TMEM156: variants seen among roughly 807,000 people sequenced by gnomAD.
TMEM156 encodes the protein transmembrane protein 156.
TMEM156 carries 28 observed loss-of-function variants against 30.5 expected under a neutral mutation model. The observed-to-expected ratio is 0.92, with a 90% CI of 0.68 to 1.26. TMEM156 has a LOEUF of 1.26. Among genes scored for constraint, TMEM156 ranks in the 50% most tolerant of loss-of-function variants. The pLI, the probability that TMEM156 is intolerant of heterozygous loss-of-function variation, is 0.00. For missense variants in TMEM156, 351 were observed against 340.6 expected (o/e 1.03, Z -0.24); for synonymous variants, 137 against 119.9 (o/e 1.14, Z -0.93).
At chr4:39,025,050 CTTT>C in intron 1 of TMEM156, among the ~76,000 whole-genome samples, 2 of 152,024 alleles carry the variant, frequency 1.3e-5, no homozygotes, top group African/African-American at 2.4e-5. Context: ...GGTCTGCCTT[CTTT>C]AACAGTTGGA....
At chr4:39,008,696 C>A (rs1037314172) in intron 1 of TMEM156, among the ~76,000 whole-genome samples, 6 of 151,984 alleles carry the variant, frequency 3.9e-5, no homozygotes, top group Admixed American at 2.0e-4. Flanking sequence ...TGAATGAAAT[C>A]AAAAAATTCT....
chr4:38,985,292 G>T (rs919991655), intron 5 of TMEM156, among the ~76,000 whole-genome samples: 56 of 152,110 alleles, frequency 3.7e-4, no homozygotes, highest in African/African-American at 1.3e-3. Context: ...ACATTTAACT[G>T]GTGTCAAATG....
chr4:38,989,584 C>T (rs2109933536), intron 3 of TMEM156, among the ~76,000 whole-genome samples: 1 of 152,222 alleles, frequency 6.6e-6, no homozygotes, highest in African/African-American at 2.4e-5. Context: ...AATAAGGATA[C>T]AGGTATAAAC....
intron 1 of TMEM156, among the ~76,000 whole-genome samples, chr4:39,021,937 T>C (rs191676585): frequency 3.3e-5 from 5 of 152,360 alleles, no homozygotes; most frequent in Admixed American, 3.3e-4. Flanking sequence ...TCGGAATTCT[T>C]TGAAGATCCG....
At chr4:38,979,934 C>T (rs554416240) in intron 5 of TMEM156, among the ~76,000 whole-genome samples, 2 of 152,114 alleles carry the variant, frequency 1.3e-5, no homozygotes, top group Non-Finnish European at 1.5e-5. Flanking sequence ...TCATTCTGAC[C>T]TTTTCATCAC....
intron 5 of TMEM156, among the ~76,000 whole-genome samples, chr4:38,982,482 C>T (rs1711653716): frequency 6.6e-6 from 1 of 152,120 alleles, no homozygotes. Flanking sequence ...AATTCTATGC[C>T]CTGTAATTAC....
chr4:38,988,200 G>A (rs1340787880), intron 4 of TMEM156, among the ~76,000 whole-genome samples: 2 of 152,136 alleles, frequency 1.3e-5, no homozygotes, highest in Non-Finnish European at 2.9e-5. Context: ...GTCACCTACA[G>A]CCACTCTGCT....
At chr4:38,978,002 A>G (rs1722959981) in intron 5 of TMEM156, among the ~76,000 whole-genome samples, 1 of 152,116 alleles carries the variant, frequency 6.6e-6, no homozygotes, top group South Asian at 2.1e-4. Context: ...ACCTCAACTC[A>G]TCTTTCCCAA....
intron 6 of TMEM156, among the ~76,000 whole-genome samples, chr4:38,969,670 G>A (rs111326418): frequency 0.016 from 2,506 of 152,272 alleles, 28 homozygotes; most frequent in East Asian, 0.062. Context: ...ACAGCTCACT[G>A]CAGCCTCAAC....
In TMEM156 at chr4:38,998,648, G is replaced by A. The variant is rs1028708434; in HGVS notation, c.350C>T (p.Thr117Ile). ...CTTCACTTTGTGTTTACCTTTTGAT[G>A]TTTGTTCCTGAGAAATAAAATCCAT... ...GNMDFISQEQ[T>I]SKVLIRRGSM... Residue 117 changes from threonine to isoleucine, a missense_variant, in exon 2 of 7, where the codon ACA becomes ATA. Transcript: ENST00000381938. 4.4e-6 allele frequency: 7 copies of A among 1,608,606 alleles called. No homozygotes were observed. Among genetic ancestry groups the A allele is most frequent in the African/African-American group, 1.3e-5 (1 of 74,636 alleles).
At chr4:38,980,185 T>TA (rs780451036) in intron 5 of TMEM156, among the ~76,000 whole-genome samples, 6,958 of 112,384 alleles carry the variant, frequency 0.062, 179 homozygotes, top group African/African-American at 0.08. Context: ...CCAGATTAAC[T>TA]AAAAAAAAAA....
chr4:38,999,116 T>TA (rs760049654), intron 1 of TMEM156, among the ~76,000 whole-genome samples: 29,190 of 104,916 alleles, frequency 0.28, 3,081 homozygotes, highest in East Asian at 0.34. Context: ...ATTTATTTTT[T>TA]TTTTTTTTTT....
At chr4:38,970,380 C>A (rs982802848) in intron 6 of TMEM156, among the ~76,000 whole-genome samples, 3 of 152,054 alleles carry the variant, frequency 2.0e-5, no homozygotes, top group African/African-American at 7.2e-5. Context: ...AGGACCTTGA[C>A]TGAAAAACCA....
At chr4:38,996,786 C>T (rs1208120671) in intron 2 of TMEM156, among the ~76,000 whole-genome samples, 1 of 152,156 alleles carries the variant, frequency 6.6e-6, no homozygotes, top group Non-Finnish European at 1.5e-5. Context: ...ATCCCGAAGA[C>T]ACAATCTGCA....
At chr4:38,980,970 A>G (rs1448758006) in intron 5 of TMEM156, 2 of 984,946 alleles carry the variant, frequency 2.0e-6, no homozygotes, top group Non-Finnish European at 1.2e-6. Flanking sequence ...CCGCCTATAG[A>G]TTCTTCACAT....
In TMEM156 at chr4:39,032,302, T is replaced by C; in HGVS notation, c.12A>G (p.Thr4=). The change falls in exon 1 of 7, where the codon ACA becomes ACG. Residue 4 remains threonine, a synonymous_variant. Coordinates refer to ENST00000381938, the MANE Select transcript of TMEM156 (RefSeq NM_024943.3). The stretch of plus-strand genomic sequence containing the variant: ...TTGCCACAAATAATTTAAGGAGGGC[T>C]GTTTTTGTCATGTCTCTTCACATGA... MTK[T]ALLKLFVAIV... 1.2e-6 allele frequency: 2 copies of C among 1,607,058 alleles called. No individual in the cohort carries two copies. Among genetic ancestry groups the C allele is most frequent in the South Asian group, 1.1e-5 (1 of 90,232 alleles).
chr4:38,967,757 A>G (rs2109845831), intron 6 of TMEM156, 116 bp from the exon 7 acceptor site: 1 of 152,396 alleles, frequency 6.6e-6, no homozygotes, highest in African/African-American at 2.4e-5. Context: ...ACTATGGCTT[A>G]TAAGACCACC....
intron 5 of TMEM156, among the ~76,000 whole-genome samples, chr4:38,981,302 C>T (rs192199560): frequency 6.6e-6 from 1 of 152,228 alleles, no homozygotes; most frequent in East Asian, 1.9e-4. Context: ...ATTGGGTCAT[C>T]CACTTCCTTT....
Position 38,990,830 on chromosome 4 carries a change from G to GTTTTTTT in TMEM156, c.620-1867_620-1861dup, listed in dbSNP as rs71304784. 6.9e-4 allele frequency among the ~76,000 whole-genome samples: 56 copies of GTTTTTTT among 81,212 alleles called. 3 individuals are homozygous for GTTTTTTT. The highest frequency in any genetic ancestry group is 1.6e-3 in the African/African-American group (34 of 21,644). 53.3% of individuals were successfully genotyped at this position (81,212 alleles called of 152,430 possible). A position where few individuals can be genotyped will look rare whatever the true frequency, so the allele number is the denominator to read the frequency against. ...CTTTGTTTTTTTGGTTTGTTTTCTG[G>GTTTTTTT]TTTTTTTTTTTTTTTTTTTTTTTGA... On this transcript the variant is annotated intron_variant, in intron 3 of 6. Coordinates refer to ENST00000381938, the MANE Select transcript of TMEM156 (RefSeq NM_024943.3).
Sources: gnomAD v4.1 joint callset for allele counts (sites outside exome capture counted in the v4.1 genomes callset) on GRCh38, gnomAD v4.1.1 for gene constraint, MANE v1.5 for transcripts, NCBI Gene and HGNC (gene_info 2026-07-23, HGNC 2026-07-21) for gene names.